DCAF1: variants seen among roughly 807,000 people sequenced by gnomAD.
DCAF1 encodes DDB1 and CUL4 associated factor 1, also known as DDB1- and CUL4-associated factor 1.
DCAF1 carries 15 observed loss-of-function variants against 128.0 expected under a neutral mutation model. The observed-to-expected ratio is 0.12, with a 90% CI of 0.08 to 0.18. The LOEUF (loss-of-function observed/expected upper bound fraction) is 0.18. Among genes scored for constraint, DCAF1 ranks in the 10% least tolerant of loss-of-function variants. The pLI, the probability that DCAF1 is intolerant of heterozygous loss-of-function variation, is 1.00. For synonymous variants in DCAF1, 610 were observed against 603.0 expected, an observed-to-expected ratio of 1.01 and a Z score of -0.17; for missense variants, 988 against 1,649.5, an observed-to-expected ratio of 0.60 and a Z score of 6.95.
At chr3:51,488,080 G>A (rs1015266022) in intron 2 of DCAF1, among the ~76,000 whole-genome samples, 4 of 151,922 alleles carry the variant, frequency 2.6e-5, no homozygotes, top group Admixed American at 1.3e-4. Flanking sequence ...GGCCAGGCTG[G>A]TCTTGAACTC....
At chr3:51,411,470 C>T (rs1437994664) in intron 23 of DCAF1, among the ~76,000 whole-genome samples, 1 of 152,144 alleles carries the variant, frequency 6.6e-6, no homozygotes, top group Non-Finnish European at 1.5e-5. Context: ...CTCTTCAGAA[C>T]CCATACTGAC....
In DCAF1 at chr3:51,403,465, C is replaced by CGGA. The variant is rs1458581553; in HGVS notation, c.4213-71_4213-70insTCC. ...GACCCATGGGGGCCACATGGCGGGT[C>CGGA]GACCAAAGAGACAGGGTAGGAAACT... On this transcript the variant is annotated intron_variant, in intron 23 of 24. Transcript: ENST00000684031. 2.0e-6 allele frequency: 3 copies of CGGA among 1,523,326 alleles called. No individual in the cohort carries two copies. The African/African-American group carries it at 4.1e-5, about 21-fold the overall frequency. The allele number at this position is 1,523,326 out of a possible 1,614,324, so 94.4% of individuals were successfully genotyped here.
intron 1 of DCAF1, among the ~76,000 whole-genome samples, chr3:51,497,064 G>A (rs1553661272): frequency 6.6e-6 from 1 of 152,170 alleles, no homozygotes; most frequent in Admixed American, 6.6e-5. Context: ...GGAGACTGAA[G>A]TGGGTGGATT....
intron 13 of DCAF1, among the ~76,000 whole-genome samples, chr3:51,426,958 G>A (rs1293181479): frequency 1.3e-5 from 2 of 152,026 alleles, no homozygotes. Flanking sequence ...ACAGTATGTC[G>A]AATTCCAAGA....
At chr3:51,436,450 T>C (rs1019869587) in intron 9 of DCAF1, 5 of 519,950 alleles carry the variant, frequency 9.6e-6, no homozygotes, top group Non-Finnish European at 1.9e-5. Context: ...CACTGAGCCA[T>C]GTCAGCCATA....
intron 15 of DCAF1, 133 bp from the exon 16 acceptor site, chr3:51,419,009 A>G (rs1444920141): frequency 7.4e-7 from 1 of 1,358,862 alleles, no homozygotes; most frequent in Admixed American, 3.2e-5. Context: ...AGTGACCTTC[A>G]GTGCTTTTTA....
upstream of DCAF1, chr3:51,500,032 A>G (rs1708700764): frequency 7.0e-6 from 1 of 141,902 alleles, no homozygotes; most frequent in Non-Finnish European, 1.5e-5. Flanking sequence ...CTCGCGCGCT[A>G]CGTGCACCGC....
At chr3:51,438,577 G>T (rs1463789631) in intron 9 of DCAF1, among the ~76,000 whole-genome samples, 6 of 152,164 alleles carry the variant, frequency 3.9e-5, no homozygotes, top group Admixed American at 2.0e-4. Context: ...AAAATAAAAA[G>T]TTATTTTAAG....
At chr3:51,400,769 G>A (rs571811884) in intron 24 of DCAF1, among the ~76,000 whole-genome samples, 2 of 152,084 alleles carry the variant, frequency 1.3e-5, no homozygotes, top group Non-Finnish European at 2.9e-5. Flanking sequence ...ATTAATCCCT[G>A]TAGTGTTTAA....
intron 1 of DCAF1, among the ~76,000 whole-genome samples, chr3:51,497,154 G>A (rs190167534): frequency 1.2e-4 from 18 of 152,228 alleles, no homozygotes; most frequent in East Asian, 1.2e-3. Context: ...AATTAGCCAG[G>A]CGTGGGGGCA....
intron 6 of DCAF1, among the ~76,000 whole-genome samples, chr3:51,462,439 TAAATA>T (rs1703698850): frequency 6.6e-6 from 1 of 151,200 alleles, no homozygotes; most frequent in South Asian, 2.1e-4. Flanking sequence ...AAAACAAAAG[TAAATA>T]AAATAAAATT....
intron 2 of DCAF1, among the ~76,000 whole-genome samples, chr3:51,493,409 C>G (rs1308875951): frequency 6.6e-6 from 1 of 151,868 alleles, no homozygotes; most frequent in Non-Finnish European, 1.5e-5. Flanking sequence ...TACGCCATTG[C>G]ACTCCAGCCT....
intron 3 of DCAF1, among the ~76,000 whole-genome samples, chr3:51,473,075 G>A (rs1237523656): frequency 6.8e-6 from 1 of 146,688 alleles, no homozygotes; most frequent in African/African-American, 2.5e-5. Flanking sequence ...TCAGGAGTTC[G>A]AGACCAGCCT....
intron 2 of DCAF1, among the ~76,000 whole-genome samples, chr3:51,490,073 T>C (rs1381056614): frequency 6.6e-5 from 10 of 152,098 alleles, no homozygotes; most frequent in Non-Finnish European, 1.3e-4. Flanking sequence ...AACAATTTCA[T>C]TTACAATAGC....
At chr3:51,494,818 A>G (rs1054453449) in intron 2 of DCAF1, among the ~76,000 whole-genome samples, 14 of 152,258 alleles carry the variant, frequency 9.2e-5, no homozygotes, top group Admixed American at 5.2e-4. Flanking sequence ...TTGGCCTTCC[A>G]AAGTGCTAGG....
chr3:51,453,121 T>A (rs1702522738), intron 6 of DCAF1, among the ~76,000 whole-genome samples: 8 of 152,144 alleles, frequency 5.3e-5, no homozygotes, highest in Admixed American at 5.2e-4. Context: ...ATATTAAAAA[T>A]TTTTTACAAA....
chr3:51,505,299 A>T, the DCAF1 span, among the ~76,000 whole-genome samples: 1 of 151,830 alleles, frequency 6.6e-6, no homozygotes, highest in East Asian at 1.9e-4. Context: ...ATTAATAATA[A>T]TTTTTTAAAT....
chr3:51,435,793 A>C (rs946560490), intron 9 of DCAF1, among the ~76,000 whole-genome samples: 1 of 152,142 alleles, frequency 6.6e-6, no homozygotes, highest in Non-Finnish European at 1.5e-5. Flanking sequence ...TTATTTATTC[A>C]CTGGCCTCCT....
chr3:51,461,854 T>C (rs550892611), intron 6 of DCAF1, among the ~76,000 whole-genome samples: 66 of 152,004 alleles, frequency 4.3e-4, no homozygotes, highest in African/African-American at 1.5e-3. Flanking sequence ...TAGGTGGGAA[T>C]TGAACAATGA....
Sources: allele counts gnomAD v4.1 joint callset (sites outside exome capture counted in the v4.1 genomes callset), GRCh38; gene constraint gnomAD v4.1.1; transcripts MANE v1.5; gene names NCBI Gene and HGNC (gene_info 2026-07-23, HGNC 2026-07-21).